MAP4K3: variants seen among roughly 807,000 people sequenced by gnomAD.
MAP4K3 encodes the protein MAPK/ERK kinase kinase kinase 3.
Under a neutral mutation model 143.5 loss-of-function variants are expected in MAP4K3, and 94 were observed. The ratio of observed to expected loss-of-function variants is 0.65; its 90% CI spans 0.55 to 0.78. The LOEUF (loss-of-function observed/expected upper bound fraction) is 0.78. Ranked by LOEUF, MAP4K3 falls within the 30% of genes least tolerant of loss-of-function variation. The pLI, the probability that MAP4K3 is intolerant of heterozygous loss-of-function variation, is 0.00. For missense variants in MAP4K3, 1,077 were observed against 1,068.1 expected (o/e 1.01, Z -0.12); for synonymous variants, 416 against 347.2 (o/e 1.20, Z -2.20).
intron 1 of MAP4K3, among the ~76,000 whole-genome samples, chr2:39,422,565 T>C (rs921723373): frequency 5.3e-5 from 8 of 152,098 alleles, no homozygotes; most frequent in Non-Finnish European, 5.9e-5. Context: ...TACTTTCTAA[T>C]AGAAGCTATA....
At chr2:39,368,753 C>T (rs549398313) in intron 2 of MAP4K3, among the ~76,000 whole-genome samples, 1 of 152,102 alleles carries the variant, frequency 6.6e-6, no homozygotes, top group African/African-American at 2.4e-5. Flanking sequence ...AATTTCTCAA[C>T]TTTCTGTTCT....
At chr2:39,395,969 T>C (rs968710097) in intron 1 of MAP4K3, among the ~76,000 whole-genome samples, 3 of 152,184 alleles carry the variant, frequency 2.0e-5, no homozygotes, top group African/African-American at 2.4e-5. Context: ...GTAGAATATA[T>C]GTATACTTAA....
intron 12 of MAP4K3, among the ~76,000 whole-genome samples, chr2:39,316,636 C>G (rs1683121262): frequency 6.6e-6 from 1 of 152,020 alleles, no homozygotes; most frequent in Non-Finnish European, 1.5e-5. Context: ...ATGAAAGATG[C>G]CCAACCTGAA....
Position 39,392,619 on chromosome 2 carries a change from T to C in MAP4K3, c.97-14496A>G, listed in dbSNP as rs1474962419. On this transcript the variant is annotated intron_variant, in intron 1 of 33. Transcript: ENST00000263881. Reference sequence around the variant, plus strand: ...CAGACTCCATTAGCTGTCACTATGGTCTGAATGGGTCCCTCAAAGCTTATG... The same window carrying C: ...CAGACTCCATTAGCTGTCACTATGGCCTGAATGGGTCCCTCAAAGCTTATG... 3.9e-5 allele frequency among the ~76,000 whole-genome samples: 6 copies of C among 152,192 alleles called. No individual in the cohort carries two copies. The South Asian group carries it at 1.0e-3, about 26-fold the overall frequency.
At chr2:39,317,353 C>T (rs1683147722) in intron 12 of MAP4K3, among the ~76,000 whole-genome samples, 1 of 152,014 alleles carries the variant, frequency 6.6e-6, no homozygotes, top group Non-Finnish European at 1.5e-5. Context: ...TAGACATAAG[C>T]AAAGATTTCA....
intron 6 of MAP4K3, among the ~76,000 whole-genome samples, chr2:39,334,171 T>C (rs1442082560): frequency 6.6e-6 from 1 of 152,112 alleles, no homozygotes; most frequent in Non-Finnish European, 1.5e-5. Flanking sequence ...AAAATTAAAA[T>C]GTCACCCCTC....
chr2:39,301,224 TAA>T (rs935214920), intron 15 of MAP4K3, among the ~76,000 whole-genome samples: 3 of 152,190 alleles, frequency 2.0e-5, no homozygotes, highest in African/African-American at 7.2e-5. Context: ...CCATGCATAA[TAA>T]AGTGTTCTTA....
At chr2:39,393,775 T>C (rs974043938) in intron 1 of MAP4K3, among the ~76,000 whole-genome samples, 4 of 152,080 alleles carry the variant, frequency 2.6e-5, no homozygotes, top group African/African-American at 9.7e-5. Flanking sequence ...AAATCCACAC[T>C]TGCTCAAGTC....
At position 39,321,365 on chromosome 2, in the gene MAP4K3, T is replaced by C. The variant is rs549282779; in HGVS notation, c.918+4153A>G. ...AATGGATTAAGGGTTGTGCAAGATGTGCTTTGTTAAACAGATGCTTGAAGG... is the reference window on the plus strand; with the variant it reads ...AATGGATTAAGGGTTGTGCAAGATGCGCTTTGTTAAACAGATGCTTGAAGG... On this transcript the variant is annotated intron_variant, in intron 12 of 33. Coordinates refer to ENST00000263881, the MANE Select transcript of MAP4K3 (RefSeq NM_003618.4). Among the ~76,000 whole-genome samples the C allele has an allele frequency of 1.2e-3, 185 of 152,290 alleles. 3 individuals are homozygous for C. Among genetic ancestry groups the C allele is most frequent in the African/African-American group, 4.3e-3 (179 of 41,560 alleles).
At chr2:39,312,049 C>A (rs1682958306) in intron 13 of MAP4K3, among the ~76,000 whole-genome samples, 1 of 152,018 alleles carries the variant, frequency 6.6e-6, no homozygotes, top group South Asian at 2.1e-4. Flanking sequence ...ATAATATTGT[C>A]TTATAAGATT....
intron 31 of MAP4K3, among the ~76,000 whole-genome samples, chr2:39,257,724 G>C (rs546709799): frequency 6.7e-6 from 1 of 150,294 alleles, no homozygotes; most frequent in Non-Finnish European, 1.5e-5. Context: ...ACTTGAATCC[G>C]GGAGGCAGAG....
intron 1 of MAP4K3, among the ~76,000 whole-genome samples, chr2:39,433,960 G>C (rs186045930): frequency 6.6e-6 from 1 of 152,324 alleles, no homozygotes; most frequent in East Asian, 1.9e-4. Flanking sequence ...AGCTCTGAGA[G>C]GTTGATTTCA....
intron 1 of MAP4K3, among the ~76,000 whole-genome samples, chr2:39,386,907 C>A (rs1666520408): frequency 6.6e-6 from 1 of 151,190 alleles, no homozygotes; most frequent in African/African-American, 2.4e-5. Flanking sequence ...CCTCTGCCTT[C>A]TGGGTTCAAA....
intron 12 of MAP4K3, among the ~76,000 whole-genome samples, chr2:39,324,632 C>T: frequency 6.6e-6 from 1 of 152,118 alleles, no homozygotes; most frequent in East Asian, 1.9e-4. Flanking sequence ...AAACACTTCA[C>T]CTTCAGTCAT....
chr2:39,392,722 G>C (rs1042785616), intron 1 of MAP4K3, among the ~76,000 whole-genome samples: 1 of 152,214 alleles, frequency 6.6e-6, no homozygotes, highest in Non-Finnish European at 1.5e-5. Context: ...ATGAATTAAT[G>C]TCATTTCTGA....
At chr2:39,337,752 G>GTTTTTTGTTTTTTTTT (rs1665009461) in intron 4 of MAP4K3, among the ~76,000 whole-genome samples, 171 bp from the exon 5 acceptor site, 1 of 70,512 alleles carries the variant, frequency 1.4e-5, no homozygotes, top group African/African-American at 6.1e-5. Flanking sequence ...CCTGGCTCCA[G>GTTTTTTGTTTTTTTTT]TTTTTTTTTT....
chr2:39,412,393 T>C (rs892309920), intron 1 of MAP4K3, among the ~76,000 whole-genome samples: 2 of 152,092 alleles, frequency 1.3e-5, no homozygotes, highest in African/African-American at 4.8e-5. Context: ...AAGCTGGAGA[T>C]ATAACAAGGA....
At chr2:39,374,542 C>T (rs1272479192) in intron 2 of MAP4K3, among the ~76,000 whole-genome samples, 1 of 151,630 alleles carries the variant, frequency 6.6e-6, no homozygotes, top group Non-Finnish European at 1.5e-5. Flanking sequence ...ATTAGCCGGG[C>T]GTGGTGGTGC....
At chr2:39,302,216 A>C (rs1258334051) in intron 15 of MAP4K3, among the ~76,000 whole-genome samples, 3 of 152,202 alleles carry the variant, frequency 2.0e-5, no homozygotes, top group Non-Finnish European at 4.4e-5. Flanking sequence ...CGACGATTAA[A>C]TGGGTCATGT....
Sources: allele counts gnomAD v4.1 joint callset (sites outside exome capture counted in the v4.1 genomes callset), GRCh38; gene constraint gnomAD v4.1.1; transcripts MANE v1.5; gene names NCBI Gene and HGNC (gene_info 2026-07-23, HGNC 2026-07-21).